Variants in RALGPS1 observed in about 807,000 individuals in gnomAD.
The protein encoded by RALGPS1 is ras-specific guanine nucleotide-releasing factor RalGPS1.
A neutral mutation model predicts 78.8 loss-of-function variants in RALGPS1; 19 were observed. That is an observed-to-expected ratio of 0.24 (90% confidence interval 0.17 to 0.35). RALGPS1 has a LOEUF of 0.35. Ranked by LOEUF, RALGPS1 falls within the 10% of genes least tolerant of loss-of-function variation. RALGPS1 has a pLI of 1.00. For synonymous variants in RALGPS1, 228 were observed against 256.3 expected, an observed-to-expected ratio of 0.89 and a Z score of 1.06; for missense variants, 454 against 688.3, an observed-to-expected ratio of 0.66 and a Z score of 3.81.
chr9:127,054,988 AGATTGATT>A (rs1343703008), intron 7 of RALGPS1, among the ~76,000 whole-genome samples: 1 of 133,130 alleles, frequency 7.5e-6, no homozygotes, highest in Non-Finnish European at 1.6e-5. Flanking sequence ...AAAGAGAGAG[AGATTGATT>A]GAGAGAGAGA....
At position 127,222,106 on chromosome 9, in the gene RALGPS1, A is replaced by G. The variant is rs1352174629; in HGVS notation, c.*3337A>G. 1.3e-5 allele frequency: 2 copies of G among 152,266 alleles called. No individual in the cohort carries two copies. The highest frequency in any genetic ancestry group is 2.4e-5 in the African/African-American group (1 of 41,460). The allele number at this position is 152,266 out of a possible 1,614,324, so 9.4% of individuals were successfully genotyped here. ...CCCATTCATTCATTTATTCATTCAC[A>G]GCACTAGCAAGTGCTGCCTATGCTG... On this transcript the variant is annotated 3_prime_UTR_variant, in exon 19 of 19. Transcript: ENST00000259351.
chr9:127,089,074 G>A (rs370670300), intron 8 of RALGPS1: 40 of 1,614,106 alleles, frequency 2.5e-5, no homozygotes, highest in African/African-American at 1.2e-4. Flanking sequence ...ACCAGACCCC[G>A]TTGAGGTTGG....
At chr9:126,920,366 C>T (rs1174970669) in intron 1 of RALGPS1, among the ~76,000 whole-genome samples, 5 of 152,078 alleles carry the variant, frequency 3.3e-5, no homozygotes, top group Non-Finnish European at 7.4e-5. Context: ...GCTGATGATA[C>T]TTGTCCTAAA....
At chr9:126,935,568 G>A (rs2036179877) in intron 1 of RALGPS1, among the ~76,000 whole-genome samples, 1 of 152,190 alleles carries the variant, frequency 6.6e-6, no homozygotes, top group Non-Finnish European at 1.5e-5. Context: ...AGTTTCTGAT[G>A]CATTTCTGCA....
intron 1 of RALGPS1, among the ~76,000 whole-genome samples, chr9:126,951,697 C>T: frequency 6.6e-6 from 1 of 152,132 alleles, no homozygotes; most frequent in South Asian, 2.1e-4. Context: ...TTATGACAAC[C>T]CCACAGCCAT....
intron 8 of RALGPS1, among the ~76,000 whole-genome samples, chr9:127,162,937 C>T (rs1355794760): frequency 6.6e-6 from 1 of 152,202 alleles, no homozygotes; most frequent in East Asian, 1.9e-4. Context: ...GCTGTGAGGC[C>T]TTGGGCAGGT....
intron 8 of RALGPS1, among the ~76,000 whole-genome samples, chr9:127,154,493 G>C (rs1342565794): frequency 2.6e-5 from 4 of 152,214 alleles, no homozygotes; most frequent in African/African-American, 7.2e-5. Flanking sequence ...TCCTTCCAGA[G>C]GGCCCAAGGA....
At chr9:127,151,823 A>G (rs1230574840) in intron 8 of RALGPS1, among the ~76,000 whole-genome samples, 1 of 152,012 alleles carries the variant, frequency 6.6e-6, no homozygotes, top group Non-Finnish European at 1.5e-5. Flanking sequence ...CATTCTGGCT[A>G]ACTACTTGAA....
chr9:127,010,549 A>G (rs2044247281), intron 4 of RALGPS1, among the ~76,000 whole-genome samples: 1 of 152,202 alleles, frequency 6.6e-6, no homozygotes, highest in Non-Finnish European at 1.5e-5. Context: ...ATTGTCCATC[A>G]ACATCCACTT....
At chr9:127,195,587 G>A (rs1455984395) in intron 12 of RALGPS1, among the ~76,000 whole-genome samples, 1 of 152,198 alleles carries the variant, frequency 6.6e-6, no homozygotes, top group Non-Finnish European at 1.5e-5. Flanking sequence ...GTCATCCAGG[G>A]CAGTGTTCAG....
chr9:126,981,323 G>A (rs2041232720), intron 4 of RALGPS1, among the ~76,000 whole-genome samples: 1 of 152,192 alleles, frequency 6.6e-6, no homozygotes, highest in Non-Finnish European at 1.5e-5. Flanking sequence ...GGAGGAGTAG[G>A]GGAGATTTGA....
intron 8 of RALGPS1, among the ~76,000 whole-genome samples, chr9:127,070,512 T>C (rs1056037474): frequency 6.6e-6 from 1 of 152,206 alleles, no homozygotes; most frequent in Admixed American, 6.5e-5. Flanking sequence ...AGAAGTTGTG[T>C]CAATTTGTAC....
intron 9 of RALGPS1, among the ~76,000 whole-genome samples, chr9:127,167,859 T>C (rs770031071): frequency 3.3e-5 from 5 of 152,352 alleles, no homozygotes; most frequent in Admixed American, 3.3e-4. Context: ...TCCCACCCAG[T>C]GGCCCTCTCA....
Position 127,018,574 on chromosome 9 carries a change from A to T in RALGPS1, c.217-15857A>T, listed in dbSNP as rs1193670941. On this transcript the variant is annotated intron_variant, in intron 4 of 18. Coordinates refer to ENST00000259351, the MANE Select transcript of RALGPS1 (RefSeq NM_014636.3). ...CTTGAACCTGGGAGGCGGAGGTTGCAGTGAGCTGAGTTTGTGCTGCTGCAC... is the reference window on the plus strand; with the variant it reads ...CTTGAACCTGGGAGGCGGAGGTTGCTGTGAGCTGAGTTTGTGCTGCTGCAC... Among the ~76,000 whole-genome samples, 7 of 151,984 alleles carry T rather than the reference A, an allele frequency of 4.6e-5. No homozygotes were observed. In the East Asian group the frequency reaches 9.7e-4, roughly 21 times the overall value.
chr9:126,982,374 CCTCT>C (rs1174105026), intron 4 of RALGPS1, among the ~76,000 whole-genome samples: 4 of 152,170 alleles, frequency 2.6e-5, no homozygotes, highest in Non-Finnish European at 4.4e-5. Flanking sequence ...AGTCACGTCA[CCTCT>C]CTAAGTTTTG....
Position 127,035,669 on chromosome 9 carries a change from T to TCC in RALGPS1, c.300+1156_300+1157dup, listed in dbSNP as rs1412032326. 3.3e-5 allele frequency among the ~76,000 whole-genome samples: 5 copies of TCC among 152,056 alleles called. No individual in the cohort carries two copies. The East Asian group carries it at 9.6e-4, about 29-fold the overall frequency. ...CTCCAGGCTTCTCCAGCCTTGACCT[T>TCC]CCACCCCAAGTCCAGCGGGATCCTC... is the stretch of plus-strand genomic sequence containing the variant. On this transcript the variant is annotated intron_variant, in intron 5 of 18. Transcript: ENST00000259351.
chr9:126,938,303 A>G (rs1027378262), intron 1 of RALGPS1, among the ~76,000 whole-genome samples: 1 of 152,204 alleles, frequency 6.6e-6, no homozygotes, highest in African/African-American at 2.4e-5. Context: ...AGCTCTGTCT[A>G]ATCTCCCTCT....
At chr9:126,957,932 C>T (rs920962677) in intron 1 of RALGPS1, among the ~76,000 whole-genome samples, 3 of 151,556 alleles carry the variant, frequency 2.0e-5, no homozygotes, top group Admixed American at 6.6e-5. Flanking sequence ...TGAGCCCAGC[C>T]TCAAGACTAG....
rs2062344850 is a variant in RALGPS1, at chr9:127,212,724, G to A, written c.1446+5G>A. 6.2e-7 allele frequency: 1 copy of A among 1,606,524 alleles called. No homozygotes were observed. Among genetic ancestry groups the A allele is most frequent in the Non-Finnish European group, 8.5e-7 (1 of 1,173,616 alleles). ...CGGGGCACAGACAGAAAACACGTAA[G>A]TCCCTTGAAAGGACTCTAGTGCTGG... On this transcript the variant is annotated splice_donor_5th_base_variant and intron_variant, in intron 16 of 18. Transcript: ENST00000259351. The surrounding 1 kb of genome is among the most constrained non-coding windows in gnomAD (Gnocchi z 6.0).
Sources: allele counts gnomAD v4.1 joint callset (sites outside exome capture counted in the v4.1 genomes callset), GRCh38; gene constraint gnomAD v4.1.1; non-coding constraint Gnocchi (gnomAD v3.1); transcripts MANE v1.5; gene names NCBI Gene and HGNC (gene_info 2026-07-23, HGNC 2026-07-21).